THSD7B: variants seen among roughly 807,000 people sequenced by gnomAD.
THSD7B encodes thrombospondin type 1 domain containing 7B.
A neutral mutation model predicts 213.6 loss-of-function variants in THSD7B; 138 were observed. The ratio of observed to expected loss-of-function variants is 0.65; its 90% CI spans 0.56 to 0.74. THSD7B has a LOEUF of 0.74. Ranked by LOEUF, THSD7B falls within the 30% of genes least tolerant of loss-of-function variation. The probability of loss-of-function intolerance (pLI) is 0.00; values close to 1 mark genes in which losing one functional copy is unlikely to be tolerated. For synonymous variants in THSD7B, 742 were observed against 687.0 expected, an observed-to-expected ratio of 1.08 and a Z score of -1.25; for missense variants, 1,931 against 1,991.5, an observed-to-expected ratio of 0.97 and a Z score of 0.58.
At chr2:136,777,333 T>G (rs1681630554) in intron 1 of THSD7B, among the ~76,000 whole-genome samples, 1 of 152,172 alleles carries the variant, frequency 6.6e-6, no homozygotes, top group Admixed American at 6.6e-5. Flanking sequence ...TGACCCTGTT[T>G]CCAGTTACTG....
rs1313391947 is a variant in THSD7B at position 137,275,979 on chromosome 2, G to A, written c.2453G>A (p.Gly818Glu). The A allele has an allele frequency of 6.2e-7, 1 of 1,612,242 alleles. No individual in the cohort carries two copies. The highest frequency in any genetic ancestry group is 1.3e-5 in the African/African-American group (1 of 74,824). The change falls in exon 12 of 28, where the codon GGA becomes GAA. Residue 818 changes from glycine (G) to glutamate (E), a missense_variant. Physicochemically the swap from Gly to Glu is moderately conservative, Grantham distance 98. Coordinates refer to ENST00000409968, the MANE Select transcript of THSD7B (RefSeq NM_001316349.2). Reference sequence around the variant, plus strand: ...TTAGTGCCAGAGTCTGTCTGGCAGGGAATAACGGGCAGCAGTGAAGCCTGT... The same window carrying A: ...TTAGTGCCAGAGTCTGTCTGGCAGGAAATAACGGGCAGCAGTGAAGCCTGT... ...CILVPESVWQ[G>E]ITGSSEACGK... is the part of the protein sequence containing the mutation.
intron 5 of THSD7B, among the ~76,000 whole-genome samples, chr2:137,158,481 G>A (rs1363570659): frequency 6.6e-6 from 1 of 152,030 alleles, no homozygotes; most frequent in South Asian, 2.1e-4. Flanking sequence ...ATCTTGCTTT[G>A]TACTTGCCCT....
At chr2:137,178,640 C>T (rs752208737) in intron 7 of THSD7B, among the ~76,000 whole-genome samples, 2 of 152,160 alleles carry the variant, frequency 1.3e-5, no homozygotes, top group Non-Finnish European at 2.9e-5. Flanking sequence ...AAAATAGAGA[C>T]TCATTCTAAT....
intron 5 of THSD7B, among the ~76,000 whole-genome samples, chr2:137,146,918 A>C (rs1029769670): frequency 6.6e-6 from 1 of 152,170 alleles, no homozygotes; most frequent in African/African-American, 2.4e-5. Flanking sequence ...GAGTAGTAGC[A>C]GACTCTTAGT....
chr2:137,039,820 C>G (rs984005843), intron 2 of THSD7B, among the ~76,000 whole-genome samples: 4 of 152,204 alleles, frequency 2.6e-5, no homozygotes, highest in Admixed American at 1.3e-4. Flanking sequence ...GCCATTGACT[C>G]TTTGCTTTGG....
chr2:136,912,773 T>G (rs1684286654), intron 2 of THSD7B, among the ~76,000 whole-genome samples: 1 of 152,188 alleles, frequency 6.6e-6, no homozygotes, highest in South Asian at 2.1e-4. Flanking sequence ...AGAAGTACCT[T>G]TCACCTCCTG....
intron 1 of THSD7B, among the ~76,000 whole-genome samples, chr2:136,787,881 T>C (rs1043612126): frequency 6.6e-6 from 1 of 152,096 alleles, no homozygotes; most frequent in Non-Finnish European, 1.5e-5. Flanking sequence ...AAGGCTGCCA[T>C]GTCCCAGATA....
intron 12 of THSD7B, among the ~76,000 whole-genome samples, chr2:137,387,566 G>A (rs959509357): frequency 3.3e-5 from 5 of 152,064 alleles, no homozygotes; most frequent in African/African-American, 1.2e-4. Context: ...ACAACAAGAA[G>A]GGTCAGAAGT....
intron 15 of THSD7B, among the ~76,000 whole-genome samples, chr2:137,468,855 G>A (rs547716068): frequency 1.2e-4 from 18 of 152,240 alleles, no homozygotes; most frequent in Middle Eastern, 3.4e-3. Flanking sequence ...GAAGCATCAA[G>A]CCCTGTGAAA....
intron 27 of THSD7B, among the ~76,000 whole-genome samples, chr2:137,673,720 G>T (rs902723569): frequency 6.6e-6 from 1 of 152,206 alleles, no homozygotes; most frequent in African/African-American, 2.4e-5. Flanking sequence ...TTTTTTACTG[G>T]CCAGAAAGCC....
At chr2:137,598,047 C>G (rs1681996500) in intron 17 of THSD7B, among the ~76,000 whole-genome samples, 2 of 152,116 alleles carry the variant, frequency 1.3e-5, no homozygotes, top group Non-Finnish European at 2.9e-5. Context: ...CACTCTATCT[C>G]ATTCCTGTTC....
chr2:136,816,434 C>T (rs1682475337), intron 1 of THSD7B, among the ~76,000 whole-genome samples: 1 of 152,080 alleles, frequency 6.6e-6, no homozygotes, highest in African/African-American at 2.4e-5. Context: ...TATTTTAAGG[C>T]TTTTTTATAT....
At chr2:137,324,201 T>C (rs1684318891) in intron 12 of THSD7B, among the ~76,000 whole-genome samples, 1 of 152,192 alleles carries the variant, frequency 6.6e-6, no homozygotes, top group African/African-American at 2.4e-5. Flanking sequence ...CTCTGTGTCC[T>C]AAATATGCTG....
rs538796765 is a variant in THSD7B at position 137,263,982 on chromosome 2, G to A, written c.2267-8551G>A. ...CTGATCTCTTATAGAGATCTTTTAC[G>A]TTATTATCCATCTGTCAAGTTTCAC... On this transcript the variant is annotated intron_variant, in intron 10 of 27. Coordinates refer to ENST00000409968, the MANE Select transcript of THSD7B (RefSeq NM_001316349.2). Among the ~76,000 whole-genome samples the A allele has an allele frequency of 7.2e-5, 11 of 152,194 alleles. 1 individual carries two copies. In the South Asian group the frequency reaches 1.7e-3, roughly 23 times the overall value.
chr2:136,863,899 G>T (rs1213179145), intron 1 of THSD7B, among the ~76,000 whole-genome samples: 1 of 152,176 alleles, frequency 6.6e-6, no homozygotes, highest in South Asian at 2.1e-4. Context: ...GAGCCTTGGT[G>T]ATTTACAGGA....
chr2:137,045,763 A>G (rs1686957783), intron 2 of THSD7B, among the ~76,000 whole-genome samples: 1 of 152,196 alleles, frequency 6.6e-6, no homozygotes, highest in Admixed American at 6.5e-5. Flanking sequence ...TGGGTGCTTT[A>G]GTACATTACC....
At chr2:136,891,743 A>G (rs1683863973) in intron 2 of THSD7B, among the ~76,000 whole-genome samples, 2 of 152,182 alleles carry the variant, frequency 1.3e-5, no homozygotes, top group African/African-American at 4.8e-5. Context: ...GTCCAGAACA[A>G]CAGATTTCAA....
intron 5 of THSD7B, among the ~76,000 whole-genome samples, chr2:137,148,891 G>A (rs1679759831): frequency 6.6e-6 from 1 of 152,210 alleles, no homozygotes; most frequent in African/African-American, 2.4e-5. Flanking sequence ...CAAGCTGGCT[G>A]CAGAAATTTG....
rs75743214 is a variant in THSD7B at position 137,562,652 on chromosome 2, G to A, written c.3139-569G>A. On this transcript the variant is annotated intron_variant, in intron 15 of 27. Transcript: ENST00000409968. ...TGTGTATCTGTTTTAGCTACACTCT[G>A]AAAACATCCTACATATAGCTAAATT... Among the ~76,000 whole-genome samples the A allele has an allele frequency of 2.0e-5, 3 of 149,284 alleles. No homozygotes were observed. In the South Asian group the frequency reaches 6.4e-4, roughly 32 times the overall value.
Sources: allele counts gnomAD v4.1 joint callset (sites outside exome capture counted in the v4.1 genomes callset), GRCh38; gene constraint gnomAD v4.1.1; transcripts MANE v1.5; gene names NCBI Gene and HGNC (gene_info 2026-07-23, HGNC 2026-07-21).